CSMD3: variants seen among roughly 807,000 people sequenced by gnomAD.
CSMD3 encodes the protein CUB and sushi domain-containing protein 3.
CSMD3 carries 177 observed loss-of-function variants against 435.2 expected under a neutral mutation model. The observed-to-expected ratio is 0.41, with a 90% CI of 0.36 to 0.46. CSMD3 has a LOEUF of 0.46. CSMD3 is among the 20% of genes least tolerant of loss of function. CSMD3 has a pLI of 0.34. For missense variants in CSMD3, 4,265 were observed against 4,504.6 expected (o/e 0.95, Z 1.52); for synonymous variants, 1,656 against 1,520.5 (o/e 1.09, Z -2.07).
chr8:112,890,258 C>G (rs1156616066), intron 10 of CSMD3, among the ~76,000 whole-genome samples: 1 of 151,588 alleles, frequency 6.6e-6, no homozygotes. Context: ...AGATAGATGA[C>G]AGTTCTTTCA....
intron 13 of CSMD3, among the ~76,000 whole-genome samples, chr8:112,795,412 T>C (rs1317517450): frequency 6.6e-6 from 1 of 152,188 alleles, no homozygotes; most frequent in Non-Finnish European, 1.5e-5. Flanking sequence ...AGAAGTTAGA[T>C]GAAATGTATT....
At chr8:112,603,537 C>T (rs1431513292) in intron 22 of CSMD3, among the ~76,000 whole-genome samples, 2 of 152,158 alleles carry the variant, frequency 1.3e-5, no homozygotes, top group Admixed American at 1.3e-4. Flanking sequence ...TATTTATTTA[C>T]ATTCCTCTCC....
chr8:113,013,830 T>C (rs1479529764), intron 6 of CSMD3, among the ~76,000 whole-genome samples: 1 of 152,112 alleles, frequency 6.6e-6, no homozygotes, highest in Admixed American at 6.6e-5. Context: ...TTGTTAAGGC[T>C]AGAAAGCTAA....
intron 7 of CSMD3, among the ~76,000 whole-genome samples, chr8:112,973,032 T>C (rs555620241): frequency 2.0e-5 from 3 of 152,056 alleles, no homozygotes; most frequent in Non-Finnish European, 4.4e-5. Flanking sequence ...CTAATTAAAA[T>C]AAATTGTGTT....
intron 3 of CSMD3, among the ~76,000 whole-genome samples, chr8:113,267,975 T>C (rs1049021636): frequency 2.0e-5 from 3 of 151,690 alleles, no homozygotes; most frequent in Non-Finnish European, 3.0e-5. Flanking sequence ...AAATAATACA[T>C]ACATATAATT....
intron 4 of CSMD3, among the ~76,000 whole-genome samples, chr8:113,139,881 T>C (rs2091506282): frequency 6.6e-6 from 1 of 151,132 alleles, no homozygotes. Flanking sequence ...CATGGAAATA[T>C]TTATCAATGG....
At chr8:112,883,617 T>G (rs985841805) in intron 10 of CSMD3, among the ~76,000 whole-genome samples, 1 of 151,954 alleles carries the variant, frequency 6.6e-6, no homozygotes, top group African/African-American at 2.4e-5. Flanking sequence ...TCCCATATTC[T>G]CTTAACCCAG....
intron 9 of CSMD3, among the ~76,000 whole-genome samples, chr8:112,932,652 A>C (rs1219496981): frequency 6.6e-6 from 1 of 151,956 alleles, no homozygotes; most frequent in Non-Finnish European, 1.5e-5. Flanking sequence ...AAAGAAAAAT[A>C]GTTACCAGAG....
chr8:112,297,249 C>CAA (rs10551780), intron 53 of CSMD3, among the ~76,000 whole-genome samples: 4 of 115,802 alleles, frequency 3.5e-5, no homozygotes, highest in African/African-American at 1.4e-4. Flanking sequence ...AGTAAAGCCT[C>CAA]AAAAAAAAAA....
intron 8 of CSMD3, among the ~76,000 whole-genome samples, chr8:112,953,914 T>C (rs572919294): frequency 1.3e-5 from 2 of 151,518 alleles, no homozygotes; most frequent in Non-Finnish European, 3.0e-5. Flanking sequence ...CAATGTTATT[T>C]TGGAAGTCAA....
chr8:113,079,860 A>C (rs2131446827), intron 5 of CSMD3, among the ~76,000 whole-genome samples: 1 of 152,310 alleles, frequency 6.6e-6, no homozygotes, highest in Non-Finnish European at 1.5e-5. Context: ...CTGTTGCAAT[A>C]AAATACGCAA....
chr8:112,958,033 A>G (rs1194990401), intron 7 of CSMD3, among the ~76,000 whole-genome samples: 1 of 152,174 alleles, frequency 6.6e-6, no homozygotes, highest in African/African-American at 2.4e-5. Flanking sequence ...GTATGAGTGT[A>G]TGAATGAATA....
intron 1 of CSMD3, among the ~76,000 whole-genome samples, chr8:113,412,538 G>C (rs973955467): frequency 6.6e-6 from 1 of 152,104 alleles, no homozygotes; most frequent in African/African-American, 2.4e-5. Flanking sequence ...CCAAGCTCAA[G>C]GGTAAGCCAA....
chr8:113,403,299 G>A (rs1000645816), intron 1 of CSMD3, among the ~76,000 whole-genome samples: 1 of 151,274 alleles, frequency 6.6e-6, no homozygotes, highest in African/African-American at 2.4e-5. Context: ...TATTACTATA[G>A]CAATACAGAA....
At chr8:112,819,959 T>C (rs1166459011) in intron 12 of CSMD3, among the ~76,000 whole-genome samples, 1 of 152,168 alleles carries the variant, frequency 6.6e-6, no homozygotes, top group East Asian at 1.9e-4. Context: ...TCAACATATT[T>C]GTTCTTTTTC....
At chr8:112,917,634 C>G (rs989239580) in intron 10 of CSMD3, among the ~76,000 whole-genome samples, 1 of 151,742 alleles carries the variant, frequency 6.6e-6, no homozygotes. Flanking sequence ...ATCCATAAAG[C>G]GAGACTTTAA....
chr8:113,082,267 C>T (rs963959586), intron 5 of CSMD3, among the ~76,000 whole-genome samples: 7 of 152,188 alleles, frequency 4.6e-5, no homozygotes, highest in African/African-American at 1.7e-4. Flanking sequence ...ACTGCTGGTC[C>T]TGTGCATACC....
chr8:112,462,489 G>A (rs1430565608), intron 32 of CSMD3, among the ~76,000 whole-genome samples: 7 of 151,886 alleles, frequency 4.6e-5, no homozygotes, highest in East Asian at 1.9e-4. Context: ...CATAAACATC[G>A]GCACTTATAC....
chr8:113,165,266 T>A (rs550028319), intron 4 of CSMD3, among the ~76,000 whole-genome samples: 2 of 152,306 alleles, frequency 1.3e-5, no homozygotes, highest in African/African-American at 2.4e-5. Flanking sequence ...TTGTGGAATG[T>A]AGATTTGTGT....
Sources: gnomAD v4.1 joint callset for allele counts (sites outside exome capture counted in the v4.1 genomes callset) on GRCh38, gnomAD v4.1.1 for gene constraint, MANE v1.5 for transcripts, NCBI Gene and HGNC (gene_info 2026-07-23, HGNC 2026-07-21) for gene names.